The following IGFL4 variants were observed in gnomAD, a reference collection of about 807,000 sequenced individuals.
IGFL4 encodes the protein IGF like family member 4.
IGFL4 carries 12 observed loss-of-function variants against 15.4 expected under a neutral mutation model. The observed-to-expected ratio is 0.78, with a 90% confidence interval of 0.50 to 1.26. The LOEUF (loss-of-function observed/expected upper bound fraction) is 1.26, where lower values mean the gene tolerates loss of function less well. IGFL4 is among the 50% of genes most tolerant of loss of function. The probability of loss-of-function intolerance (pLI) is 0.00; values close to 1 mark genes in which losing one functional copy is unlikely to be tolerated. For missense variants in IGFL4, 126 were observed against 147.8 expected (o/e 0.85, Z 0.76); for synonymous variants, 54 against 55.9 (o/e 0.97, Z 0.16).
Position 46,040,451 on chromosome 19 carries a change from C to A in IGFL4, c.71-35G>T, listed in dbSNP as rs759923481. 1 of 1,613,312 alleles carries A rather than the reference C, an allele frequency of 6.2e-7. No homozygotes were observed. Among genetic ancestry groups the A allele is most frequent in the South Asian group, 1.1e-5 (1 of 91,078 alleles). ...TCGGGGCTGGATGGGCTGCAAGGAC[C>A]AGCCTAGGACCACCTCCCCACCAAC... On this transcript the variant is annotated intron_variant, in intron 2 of 3. Coordinates refer to ENST00000377697, the MANE Select transcript of IGFL4 (RefSeq NM_001002923.3). This position sits in a 1 kb window ranked among gnomAD's most constrained non-coding sequence, Gnocchi z 4.1.
upstream of IGFL4, chr19:46,041,089 G>T: frequency 1.2e-6 from 1 of 845,454 alleles, no homozygotes. Context: ...GTGGTTTCTT[G>T]GGAAGAGTTA....
chr19:46,065,250 T>A (rs1490017958), intron 1 of IGFL4, among the ~76,000 whole-genome samples: 4 of 151,886 alleles, frequency 2.6e-5, no homozygotes, highest in African/African-American at 4.8e-5. Context: ...TGCAAATATT[T>A]TTCTTATTCT....
chr19:46,047,066 C>G (rs1969303635), intron 2 of IGFL4, among the ~76,000 whole-genome samples: 2 of 152,126 alleles, frequency 1.3e-5, no homozygotes, highest in Non-Finnish European at 2.9e-5. Flanking sequence ...CAGACCACAG[C>G]ACAACAAATT....
intron 1 of IGFL4, among the ~76,000 whole-genome samples, chr19:46,061,059 C>T (rs1337213152): frequency 6.6e-6 from 1 of 152,156 alleles, no homozygotes. Flanking sequence ...CTGAGTAATA[C>T]CCCTTTAACT....
chr19:46,051,370 C>T (rs771157434), intron 2 of IGFL4, among the ~76,000 whole-genome samples: 7 of 152,066 alleles, frequency 4.6e-5, no homozygotes, highest in Non-Finnish European at 1.0e-4. Flanking sequence ...CATGGTGAAA[C>T]CCTGTCTCTA....
upstream of IGFL4, among the ~76,000 whole-genome samples, chr19:46,042,557 C>T (rs1359263339): frequency 1.3e-5 from 2 of 152,200 alleles, no homozygotes; most frequent in East Asian, 1.9e-4. Context: ...GAAAATCCCA[C>T]GGAACCCACT....
chr19:46,042,638 T>C (rs1003741398), upstream of IGFL4, among the ~76,000 whole-genome samples: 6 of 152,230 alleles, frequency 3.9e-5, no homozygotes, highest in African/African-American at 1.4e-4. Flanking sequence ...TCAGACACTT[T>C]ATTACTTACA....
At chr19:46,057,476 A>G (rs1046907457) in intron 2 of IGFL4, among the ~76,000 whole-genome samples, 1 of 152,220 alleles carries the variant, frequency 6.6e-6, no homozygotes, top group African/African-American at 2.4e-5. Flanking sequence ...ACATTCATGT[A>G]TAATAATAAT....
chr19:46,071,409 G>A (rs1029666517), intron 1 of IGFL4, among the ~76,000 whole-genome samples: 3 of 152,148 alleles, frequency 2.0e-5, no homozygotes, highest in African/African-American at 7.2e-5. Flanking sequence ...ATCACTAGTT[G>A]GTTCTGCTTC....
At chr19:46,070,302 A>G (rs1389093578) in intron 1 of IGFL4, among the ~76,000 whole-genome samples, 2 of 152,090 alleles carry the variant, frequency 1.3e-5, no homozygotes, top group Admixed American at 1.3e-4. Flanking sequence ...AGTCCAACAG[A>G]CTTCGGGCTG....
upstream of IGFL4, among the ~76,000 whole-genome samples, chr19:46,043,839 CAT>C (rs1049151529): frequency 6.6e-6 from 1 of 151,718 alleles, no homozygotes; most frequent in Non-Finnish European, 1.5e-5. Context: ...TAGAAGAAAA[CAT>C]AAAAAAAATC....
intron 2 of IGFL4, among the ~76,000 whole-genome samples, chr19:46,053,103 T>C (rs1969362695): frequency 1.3e-5 from 2 of 152,156 alleles, no homozygotes; most frequent in South Asian, 2.1e-4. Flanking sequence ...AGTTGTATAA[T>C]TGGGGTTGGC....
intron 2 of IGFL4, among the ~76,000 whole-genome samples, chr19:46,050,864 G>C (rs1969339509): frequency 6.6e-6 from 1 of 152,160 alleles, no homozygotes; most frequent in Non-Finnish European, 1.5e-5. Flanking sequence ...CAGGCACATA[G>C]TCACCAGGTT....
chr19:46,047,605 A>G (rs1969308825), intron 2 of IGFL4, among the ~76,000 whole-genome samples: 1 of 152,242 alleles, frequency 6.6e-6, no homozygotes, highest in African/African-American at 2.4e-5. Context: ...CACTGACCCC[A>G]CGGAAATATA....
chr19:46,055,781 A>ATTTT (rs996086147), intron 2 of IGFL4, among the ~76,000 whole-genome samples: 11 of 147,550 alleles, frequency 7.5e-5, no homozygotes, highest in Non-Finnish European at 1.5e-4. Context: ...GCTCAGTTTA[A>ATTTT]TTTTTTTTTT....
upstream of IGFL4, among the ~76,000 whole-genome samples, chr19:46,045,009 G>A (rs1429875801): frequency 6.6e-6 from 1 of 152,170 alleles, no homozygotes; most frequent in Non-Finnish European, 1.5e-5. Flanking sequence ...CCACACAGAT[G>A]AGAAAGAATC....
intron 1 of IGFL4, among the ~76,000 whole-genome samples, chr19:46,063,424 C>T (rs576303632): frequency 6.6e-6 from 1 of 151,976 alleles, no homozygotes; most frequent in Non-Finnish European, 1.5e-5. Context: ...AAGAGCACTT[C>T]CTCAGAAGCA....
chr19:46,065,871 TC>T (rs1969489967), intron 1 of IGFL4, among the ~76,000 whole-genome samples: 1 of 152,120 alleles, frequency 6.6e-6, no homozygotes, highest in South Asian at 2.1e-4. Flanking sequence ...TGTCAGAAGA[TC>T]CATGGAAGCA....
rs897049517 is a variant in IGFL4, at chr19:46,040,623, G to A, written c.20-55C>T. On this transcript the variant is annotated intron_variant, in intron 1 of 3. Coordinates refer to ENST00000377697, the MANE Select transcript of IGFL4 (RefSeq NM_001002923.3). This position sits in a 1 kb window ranked among gnomAD's most constrained non-coding sequence, Gnocchi z 4.1. ...TCTGAGGTCACTAGGTCTTGACCAC[G>A]GGGCACAGGATGATGTCTCTGAGCT... 2.8e-5 allele frequency: 44 copies of A among 1,573,750 alleles called. No homozygotes were observed. Among genetic ancestry groups the A allele is most frequent in the Admixed American group, 8.4e-5 (5 of 59,630 alleles).
Sources: gnomAD v4.1 joint callset for allele counts (sites outside exome capture counted in the v4.1 genomes callset) on GRCh38, gnomAD v4.1.1 for gene constraint, Gnocchi (gnomAD v3.1) non-coding constraint, MANE v1.5 for transcripts, NCBI Gene and HGNC (gene_info 2026-07-23, HGNC 2026-07-21) for gene names.